The following PCDHGA2 variants were observed in gnomAD, a reference collection of about 807,000 sequenced individuals.
PCDHGA2 encodes the protein protocadherin gamma subfamily A, 2.
A neutral mutation model predicts 59.2 loss-of-function variants in PCDHGA2; 40 were observed. The ratio of observed to expected loss-of-function variants is 0.68; its 90% CI spans 0.52 to 0.88. The LOEUF (loss-of-function observed/expected upper bound fraction) is 0.88, where lower values mean the gene tolerates loss of function less well. Among genes scored for constraint, PCDHGA2 ranks in the 40% least tolerant of loss-of-function variants. The pLI, the probability that PCDHGA2 is intolerant of heterozygous loss-of-function variation, is 0.00. For synonymous variants in PCDHGA2, 560 were observed against 526.0 expected (o/e 1.06, Z -0.89); for missense variants, 1,226 against 1,204.0 (o/e 1.02, Z -0.27).
chr5:141,392,855 C>T (rs756361613), intron 1 of PCDHGA2: 1 of 1,612,176 alleles, frequency 6.2e-7, no homozygotes, highest in Non-Finnish European at 8.5e-7. Flanking sequence ...GCGAGCTGAT[C>T]CTGCTGTGCG....
chr5:141,366,591 C>A, intron 1 of PCDHGA2: 1 of 1,614,246 alleles, frequency 6.2e-7, no homozygotes, highest in East Asian at 2.2e-5. Context: ...CAGACCTATT[C>A]CCACGAGGTC....
chr5:141,438,165 G>GA (rs1252266607), intron 1 of PCDHGA2, among the ~76,000 whole-genome samples: 2 of 152,076 alleles, frequency 1.3e-5, no homozygotes, highest in East Asian at 3.8e-4. Flanking sequence ...AAGCTAATTG[G>GA]AAAAAATATT....
chr5:141,449,537 C>T (rs1377909573), intron 1 of PCDHGA2, among the ~76,000 whole-genome samples: 1 of 146,330 alleles, frequency 6.8e-6, no homozygotes, highest in Non-Finnish European at 1.5e-5. Flanking sequence ...TGCAGTGAGC[C>T]GAGATCGCAC....
chr5:141,477,351 G>A lies in PCDHGA2; in HGVS notation c.2425-17456G>A. 6.2e-7 allele frequency: 1 copy of A among 1,614,126 alleles called. No homozygotes were observed. The highest frequency in any genetic ancestry group is 8.5e-7 in the Non-Finnish European group (1 of 1,180,018). On this transcript the variant is annotated intron_variant, in intron 1 of 3. Transcript: ENST00000394576. This position sits in a 1 kb window ranked among gnomAD's most constrained non-coding sequence, Gnocchi z 4.9. ...AAGAATTACTTCACTTTGAAAACCA[G>A]TGCAGACCTGGATCGGGAGACTGTG...
At position 141,490,479 on chromosome 5, in the gene PCDHGA2, C is replaced by T; in HGVS notation, c.2425-4328C>T. 11 of 1,614,216 alleles carry T rather than the reference C, an allele frequency of 6.8e-6. No homozygotes were observed. Among genetic ancestry groups the T allele is most frequent in the Non-Finnish European group, 9.3e-6 (11 of 1,180,032 alleles). ...CGCTGCTAACCAGCCAGCCTTTGGACCGGGAGGCCACATCCCACTATATCA... is the reference window on the plus strand; with the variant it reads ...CGCTGCTAACCAGCCAGCCTTTGGATCGGGAGGCCACATCCCACTATATCA... On this transcript the variant is annotated intron_variant, in intron 1 of 3. Coordinates refer to ENST00000394576, the MANE Select transcript of PCDHGA2 (RefSeq NM_018915.4). This position sits in a 1 kb window ranked among gnomAD's most constrained non-coding sequence, Gnocchi z 5.4.
chr5:141,431,670 T>C lies in PCDHGA2; in HGVS notation c.2425-63137T>C, dbSNP rs767342240. 1 of 1,614,070 alleles carries C rather than the reference T, an allele frequency of 6.2e-7. No homozygotes were observed. The highest frequency in any genetic ancestry group is 8.5e-7 in the Non-Finnish European group (1 of 1,180,026). On this transcript the variant is annotated intron_variant, in intron 1 of 3. Coordinates refer to ENST00000394576, the MANE Select transcript of PCDHGA2 (RefSeq NM_018915.4). This position sits in a 1 kb window ranked among gnomAD's most constrained non-coding sequence, Gnocchi z 4.8. ...TGTAATTCAGGGACAATATCAACAATAGGGGAGTTGGACCACGAGGAGTCA... is the reference window on the plus strand; with the variant it reads ...TGTAATTCAGGGACAATATCAACAACAGGGGAGTTGGACCACGAGGAGTCA...
intron 2 of PCDHGA2, among the ~76,000 whole-genome samples, chr5:141,500,838 GGCTTTT>G (rs2099802886): frequency 6.6e-6 from 1 of 151,878 alleles, no homozygotes. Flanking sequence ...AATGCTAATG[GGCTTTT>G]GCTACATTAG....
intron 1 of PCDHGA2, chr5:141,344,738 A>G: frequency 1.2e-6 from 2 of 1,613,992 alleles, no homozygotes; most frequent in Non-Finnish European, 1.7e-6. Flanking sequence ...TCCTGGATGC[A>G]AATGACAACC....
chr5:141,399,311 A>G, intron 1 of PCDHGA2: 1 of 1,613,970 alleles, frequency 6.2e-7, no homozygotes, highest in Non-Finnish European at 8.5e-7. Flanking sequence ...TCTTCATCCA[A>G]AAATTCGTAT....
chr5:141,389,443 A>G (rs2091769935), intron 1 of PCDHGA2: 1 of 1,610,442 alleles, frequency 6.2e-7, no homozygotes, highest in Non-Finnish European at 8.5e-7. Context: ...GCCTTCGACC[A>G]CGAGCAGCTG....
intron 1 of PCDHGA2, chr5:141,389,470 C>T (rs776427212): frequency 1.2e-6 from 2 of 1,613,240 alleles, no homozygotes; most frequent in East Asian, 2.2e-5. Context: ...TTCGAACTCA[C>T]ACTGCAGGCC....
chr5:141,346,567 CCTTT>C, intron 1 of PCDHGA2: 1 of 1,440,334 alleles, frequency 6.9e-7, no homozygotes, highest in Non-Finnish European at 9.4e-7. Flanking sequence ...TGTCATTAGT[CCTTT>C]GACTAAATAT....
At chr5:141,347,954 G>A (rs1758042065) in intron 1 of PCDHGA2, among the ~76,000 whole-genome samples, 1 of 152,108 alleles carries the variant, frequency 6.6e-6, no homozygotes, top group Non-Finnish European at 1.5e-5. Flanking sequence ...GGTATTTCTT[G>A]TCCTTGAGAA....
chr5:141,398,900 G>C (rs765284630), intron 1 of PCDHGA2: 1 of 1,613,964 alleles, frequency 6.2e-7, no homozygotes, highest in South Asian at 1.1e-5. Context: ...GTGCCACCAG[G>C]CACCACTGTG....
intron 1 of PCDHGA2, chr5:141,376,734 C>T (rs1773305109): frequency 5.7e-6 from 3 of 526,518 alleles, no homozygotes; most frequent in South Asian, 4.6e-5. Context: ...GGCCGGACTG[C>T]GGACTGCAGT....
At position 141,351,252 on chromosome 5, in the gene PCDHGA2, T is replaced by C. The variant is rs755083201; in HGVS notation, c.2424+9857T>C. ...CACACAGCTCACTGTAATGTTCAAA[T>C]AGAAATTGTTGACGAGAATGACAAT... On this transcript the variant is annotated intron_variant, in intron 1 of 3. Transcript: ENST00000394576. 5.6e-6 allele frequency: 9 copies of C among 1,613,836 alleles called. No individual in the cohort carries two copies. The South Asian group carries it at 9.9e-5, about 18-fold the overall frequency.
chr5:141,377,732 C>A (rs554693714), intron 1 of PCDHGA2: 2 of 152,264 alleles, frequency 1.3e-5, no homozygotes, highest in African/African-American at 4.8e-5. Flanking sequence ...AGATAAGAAT[C>A]ATTGGTAACT....
In PCDHGA2 at chr5:141,418,449, A is replaced by G. The variant is rs781224972; in HGVS notation, c.2425-76358A>G. ...GGCAAATATCCAGAATTAGTATTGC[A>G]GAAGACTCTGGACCGAGAAACGCAG... On this transcript the variant is annotated intron_variant, in intron 1 of 3. Coordinates refer to ENST00000394576, the MANE Select transcript of PCDHGA2 (RefSeq NM_018915.4). 8.1e-6 allele frequency: 13 copies of G among 1,613,922 alleles called. No homozygotes were observed. The Admixed American group carries it at 1.2e-4, about 14-fold the overall frequency.
At chr5:141,408,879 C>A in intron 1 of PCDHGA2, 1 of 1,613,504 alleles carries the variant, frequency 6.2e-7, no homozygotes. Context: ...AGTGCCACCG[C>A]TCACATAGAA....
Sources: gnomAD v4.1 joint callset for allele counts (sites outside exome capture counted in the v4.1 genomes callset) on GRCh38, gnomAD v4.1.1 for gene constraint, Gnocchi (gnomAD v3.1) non-coding constraint, MANE v1.5 for transcripts, NCBI Gene and HGNC (gene_info 2026-07-23, HGNC 2026-07-21) for gene names.